The following CAPN11 variants were observed in gnomAD, a reference collection of about 807,000 sequenced individuals.
CAPN11 encodes calpain-11.
In CAPN11, 108 loss-of-function variants were observed where a neutral mutation model predicts 105.3. That is an observed-to-expected ratio of 1.03 (90% CI 0.88 to 1.20). CAPN11 has a LOEUF of 1.20. Among genes scored for constraint, CAPN11 ranks in the 50% most tolerant of loss-of-function variants. CAPN11 has a pLI of 0.00. For missense variants in CAPN11, 883 were observed against 924.8 expected (o/e 0.95, Z 0.59); for synonymous variants, 329 against 344.5 (o/e 0.96, Z 0.50).
chr6:44,184,246 G>A lies in CAPN11; in HGVS notation c.*314G>A, dbSNP rs1774216663. ...GCTTCCCCAGGGTCCCCCTGGCTGGGGAGGCCAAGAATAGGGAAGGGACTT... is the reference window on the plus strand; with the variant it reads ...GCTTCCCCAGGGTCCCCCTGGCTGGAGAGGCCAAGAATAGGGAAGGGACTT... On this transcript the variant is annotated 3_prime_UTR_variant, in exon 23 of 23. Coordinates refer to ENST00000398776, the MANE Select transcript of CAPN11 (RefSeq NM_007058.4). 1 of 451,854 alleles carries A rather than the reference G, an allele frequency of 2.2e-6. No individual in the cohort carries two copies. Among genetic ancestry groups the A allele is most frequent in the Admixed American group, 3.6e-5 (1 of 27,810 alleles). The allele number at this position is 451,854 out of a possible 1,614,324, so 28.0% of individuals were successfully genotyped here. A position where few individuals can be genotyped will look rare whatever the true frequency, so the allele number is the denominator to read the frequency against.
chr6:44,176,413 C>A, intron 9 of CAPN11, 75 bp downstream of exon 9: 1 of 1,393,958 alleles, frequency 7.2e-7, no homozygotes, highest in South Asian at 1.2e-5. Flanking sequence ...ACTGGTGTCC[C>A]ATCTAGGAGA....
Position 44,169,895 on chromosome 6 carries a change from C to T in CAPN11, c.340-11C>T. On this transcript the variant is annotated splice_polypyrimidine_tract_variant and intron_variant, in intron 3 of 22. Transcript: ENST00000398776. ...CCTGGGCCCCCTGAAACCTTTATTC[C>T]TTCACTGCAGGATATCATAAACAAC... is the stretch of plus-strand genomic sequence containing the variant. The T allele has an allele frequency of 6.2e-7, 1 of 1,605,148 alleles. No homozygotes were observed. The highest frequency in any genetic ancestry group is 1.1e-5 in the South Asian group (1 of 89,870).
chr6:44,161,776 C>T (rs1389040164), intron 1 of CAPN11: 2 of 456,094 alleles, frequency 4.4e-6, no homozygotes, highest in Admixed American at 2.4e-5. Flanking sequence ...CAGCATCTTC[C>T]CTGGTCCTTC....
At chr6:44,161,119 C>T (rs919445853) in intron 1 of CAPN11, among the ~76,000 whole-genome samples, 1 of 151,872 alleles carries the variant, frequency 6.6e-6, no homozygotes, top group African/African-American at 2.4e-5. Context: ...TTCTCACGCT[C>T]CTAGCCCATG....
intron 4 of CAPN11, among the ~76,000 whole-genome samples, chr6:44,170,202 G>A (rs980299225): frequency 1.6e-4 from 24 of 152,268 alleles, no homozygotes; most frequent in Admixed American, 9.2e-4. Context: ...GGGTCTTGCG[G>A]GGGGAATATT....
intron 1 of CAPN11, among the ~76,000 whole-genome samples, chr6:44,159,574 G>A (rs969740309): frequency 1.3e-5 from 2 of 152,060 alleles, no homozygotes; most frequent in African/African-American, 4.8e-5. Context: ...CTGTTTACCT[G>A]ACCCTAGGAA....
At chr6:44,178,977 C>G (rs996864351) in intron 12 of CAPN11, among the ~76,000 whole-genome samples, 1 of 152,104 alleles carries the variant, frequency 6.6e-6, no homozygotes, top group African/African-American at 2.4e-5. Flanking sequence ...CCTGAGCTCT[C>G]CGGTGCACAC....
At chr6:44,170,201 G>T (rs971633885) in intron 4 of CAPN11, among the ~76,000 whole-genome samples, 1 of 152,108 alleles carries the variant, frequency 6.6e-6, no homozygotes, top group Non-Finnish European at 1.5e-5. Flanking sequence ...TGGGTCTTGC[G>T]GGGGGAATAT....
intron 2 of CAPN11, among the ~76,000 whole-genome samples, chr6:44,168,654 C>T (rs1367741803): frequency 6.6e-6 from 1 of 151,810 alleles, no homozygotes; most frequent in Non-Finnish European, 1.5e-5. Flanking sequence ...CAGAGTTTCG[C>T]TCTTGTTGGC....
At chr6:44,181,623 A>ACACT (rs1773448795) in intron 19 of CAPN11, among the ~76,000 whole-genome samples, 1 of 23,576 alleles carries the variant, frequency 4.2e-5, no homozygotes, top group Admixed American at 3.8e-4. Context: ...ACTCACACAC[A>ACACT]CACATACACA....
chr6:44,162,010 A>G, intron 1 of CAPN11: 3 of 420,144 alleles, frequency 7.1e-6, no homozygotes, highest in Non-Finnish European at 1.5e-5. Context: ...GGCGCCCAGC[A>G]GCATCCCTGG....
At chr6:44,179,596 T>C in intron 12 of CAPN11, 23 bp from the exon 13 acceptor site, 1 of 1,611,852 alleles carries the variant, frequency 6.2e-7, no homozygotes, top group Non-Finnish European at 8.5e-7. Context: ...GAGATCTGAC[T>C]CTCCTCTTTC....
In CAPN11 at chr6:44,166,812, CTCGGG is replaced by C. The variant is rs1769943372; in HGVS notation, c.72_76del (p.Arg25LeufsTer9). ...CTGGATGGATCACAGGAGGATAAGC[CTCGGG>C]GCTCATGTGCGGGTAGGACTGCAGA... On this transcript the variant is annotated frameshift_variant, in exon 2 of 23. Transcript: ENST00000398776. LOFTEE classifies it high-confidence loss of function. The C allele has an allele frequency of 6.4e-7, 1 of 1,551,788 alleles. No individual in the cohort carries two copies. The highest frequency in any genetic ancestry group is 8.7e-7 in the Non-Finnish European group (1 of 1,146,818).
intron 22 of CAPN11, 28 bp from the exon 23 acceptor site, chr6:44,183,878 C>T (rs1314432915): frequency 1.9e-5 from 30 of 1,563,056 alleles, no homozygotes; most frequent in Non-Finnish European, 2.6e-5. Flanking sequence ...TCTCTTCCCA[C>T]CCTGGGATCT....
intron 1 of CAPN11, among the ~76,000 whole-genome samples, chr6:44,159,425 G>A (rs1768303348): frequency 6.6e-6 from 1 of 152,098 alleles, no homozygotes; most frequent in African/African-American, 2.4e-5. Flanking sequence ...GCAGAACTGA[G>A]TTGTTCCTGT....
chr6:44,172,625 G>A (rs960855078), intron 5 of CAPN11, among the ~76,000 whole-genome samples: 1 of 152,220 alleles, frequency 6.6e-6, no homozygotes, highest in African/African-American at 2.4e-5. Flanking sequence ...TTAGCAATTT[G>A]TGGCTCTTTC....
chr6:44,173,463 C>A, intron 7 of CAPN11, 77 bp downstream of exon 7: 1 of 905,330 alleles, frequency 1.1e-6, no homozygotes, highest in Non-Finnish European at 1.7e-6. Context: ...CCCCCAGTAT[C>A]TGCACGGCCA....
intron 1 of CAPN11, chr6:44,161,931 C>G (rs887837406): frequency 4.4e-6 from 2 of 455,484 alleles, no homozygotes; most frequent in Admixed American, 4.7e-5. Context: ...CCAGGTTTGT[C>G]AACCCCAGCT....
At chr6:44,181,567 AACCACAC>A (rs1773400259) in intron 19 of CAPN11, among the ~76,000 whole-genome samples, 1 of 47,520 alleles carries the variant, frequency 2.1e-5, no homozygotes, top group Non-Finnish European at 4.4e-5. Flanking sequence ...ATACAGACAC[AACCACAC>A]CACACATACA....
Sources: gnomAD v4.1 joint callset for allele counts (sites outside exome capture counted in the v4.1 genomes callset) on GRCh38, gnomAD v4.1.1 for gene constraint, MANE v1.5 for transcripts, NCBI Gene and HGNC (gene_info 2026-07-23, HGNC 2026-07-21) for gene names.